ARFGAP3: variants seen among roughly 807,000 people sequenced by gnomAD.
The protein encoded by ARFGAP3 is ARF GTPase activating protein 3, also known as ADP-ribosylation factor GTPase-activating protein 3.
A neutral mutation model predicts 75.0 loss-of-function variants in ARFGAP3; 72 were observed. The ratio of observed to expected loss-of-function variants is 0.96; its 90% CI spans 0.79 to 1.17. The LOEUF (loss-of-function observed/expected upper bound fraction) is 1.17. Ranked by LOEUF, ARFGAP3 falls within the 50% of genes most tolerant of loss-of-function variation. The pLI is 0.00. For missense variants in ARFGAP3, 620 were observed against 626.6 expected (o/e 0.99, Z 0.11); for synonymous variants, 221 against 217.9 (o/e 1.01, Z -0.13).
intron 15 of ARFGAP3, 112 bp downstream of exon 15, chr22:42,798,927 G>A (rs771161009): frequency 4.5e-5 from 39 of 869,846 alleles, no homozygotes; most frequent in East Asian, 7.3e-5. Flanking sequence ...CAAACATATC[G>A]ATCCAATAAT....
chr22:42,855,792 G>C (rs777420966), intron 1 of ARFGAP3, among the ~76,000 whole-genome samples: 1 of 151,880 alleles, frequency 6.6e-6, no homozygotes, highest in Non-Finnish European at 1.5e-5. Flanking sequence ...GGAGGAGGCA[G>C]GAGGACTGCT....
intron 11 of ARFGAP3, among the ~76,000 whole-genome samples, chr22:42,811,419 T>A (rs752758080): frequency 3.3e-5 from 5 of 152,240 alleles, no homozygotes; most frequent in African/African-American, 7.2e-5. Context: ...AGGTTACACA[T>A]TTCACTGTCT....
intron 1 of ARFGAP3, 139 bp from the exon 2 acceptor site, chr22:42,847,771 T>TCA (rs1927084253): frequency 1.0e-6 from 1 of 998,956 alleles, no homozygotes; most frequent in Non-Finnish European, 1.3e-6. Context: ...AGAAAATATC[T>TCA]CACCTAGGTT....
rs749122444 is a variant in ARFGAP3, at chr22:42,840,976, G to A, written c.229C>T (p.Arg77Ter). The stretch of plus-strand genomic sequence containing the variant: ...GCGTTTCCTCCGACTTGCATGCATC[G>A]CAACTGAAACCATGACCAGTTGGAA... ...LDSNWSWFQL[R>*]CMQVGGNASA... The change falls in exon 3 of 16, where the codon CGA becomes TGA. Residue 77 changes from arginine (R) to a stop codon, truncating the protein, a stop_gained. Coordinates refer to ENST00000263245, the MANE Select transcript of ARFGAP3 (RefSeq NM_014570.5). LOFTEE classifies it high-confidence loss of function. 5.0e-6 allele frequency: 8 copies of A among 1,614,086 alleles called. No individual in the cohort carries two copies. The highest frequency in any genetic ancestry group is 3.3e-5 in the Admixed American group (2 of 60,012).
At chr22:42,840,837 C>CT in intron 3 of ARFGAP3, 107 bp downstream of exon 3, 1 of 1,187,738 alleles carries the variant, frequency 8.4e-7, no homozygotes, top group Non-Finnish European at 1.2e-6. Context: ...TCCCAAATGG[C>CT]TGAGATTACA....
chr22:42,835,296 A>T, intron 4 of ARFGAP3, 66 bp downstream of exon 4: 2 of 1,568,262 alleles, frequency 1.3e-6, no homozygotes. Context: ...TATTCAGGAT[A>T]AAAATCACTT....
chr22:42,852,531 T>C (rs1927322670), intron 1 of ARFGAP3, among the ~76,000 whole-genome samples: 1 of 151,164 alleles, frequency 6.6e-6, no homozygotes, highest in Admixed American at 6.6e-5. Flanking sequence ...GGCTAATTTT[T>C]TGTATTTTTA....
chr22:42,825,092 C>CACAA (rs750393053), intron 7 of ARFGAP3, among the ~76,000 whole-genome samples: 1 of 152,130 alleles, frequency 6.6e-6, no homozygotes. Flanking sequence ...ACTCCATCTC[C>CACAA]ACAAACAAAC....
intron 2 of ARFGAP3, among the ~76,000 whole-genome samples, chr22:42,846,728 A>G (rs988627860): frequency 7.2e-5 from 11 of 152,240 alleles, no homozygotes; most frequent in African/African-American, 2.7e-4. Context: ...CTCATCATTG[A>G]CATAAACTCT....
chr22:42,839,711 CT>C (rs1926695841), intron 3 of ARFGAP3, among the ~76,000 whole-genome samples: 1 of 151,888 alleles, frequency 6.6e-6, no homozygotes, highest in Admixed American at 6.6e-5. Context: ...TATTAAAAAA[CT>C]ATTATCATAA....
chr22:42,804,764 C>T (rs1925045529), intron 14 of ARFGAP3, among the ~76,000 whole-genome samples: 1 of 152,148 alleles, frequency 6.6e-6, no homozygotes, highest in Non-Finnish European at 1.5e-5. Context: ...GATCCGCCTA[C>T]CTCGGCCTCC....
intron 14 of ARFGAP3, among the ~76,000 whole-genome samples, chr22:42,800,946 A>T (rs1012254204): frequency 1.3e-5 from 2 of 151,790 alleles, no homozygotes; most frequent in Admixed American, 6.6e-5. Context: ...GAACACCCAC[A>T]GTGTGTACTG....
Position 42,797,353 on chromosome 22 carries a change from A to C in ARFGAP3, c.*235T>G. ...AAGAAAATAAAGCAAGGATATACAC[A>C]GAGACGCCAAAGGAGGGTGTGACAG... is the stretch of plus-strand genomic sequence containing the variant. On this transcript the variant is annotated 3_prime_UTR_variant, in exon 16 of 16. Coordinates refer to ENST00000263245, the MANE Select transcript of ARFGAP3 (RefSeq NM_014570.5). 1 of 594,278 alleles carries C rather than the reference A, an allele frequency of 1.7e-6. No homozygotes were observed. The highest frequency in any genetic ancestry group is 3.0e-6 in the Non-Finnish European group (1 of 338,432). 36.8% of individuals were successfully genotyped at this position (594,278 alleles called of 1,614,324 possible).
intron 7 of ARFGAP3, among the ~76,000 whole-genome samples, chr22:42,826,556 T>C (rs758211985): frequency 6.6e-6 from 1 of 151,566 alleles, no homozygotes; most frequent in African/African-American, 2.4e-5. Context: ...ATTTTTGTTG[T>C]TGTTGTTGTT....
chr22:42,810,679 A>AGC (rs1907686235), intron 12 of ARFGAP3, 134 bp downstream of exon 12: 1 of 750,660 alleles, frequency 1.3e-6, no homozygotes, highest in Admixed American at 2.3e-5. Flanking sequence ...TCGGCCTCTT[A>AGC]AAGTGCTGGG....
At position 42,827,028 on chromosome 22, in the gene ARFGAP3, C is replaced by T. The variant is rs763310885; in HGVS notation, c.566-29G>A. 2.2e-5 allele frequency: 36 copies of T among 1,611,762 alleles called. 1 individual carries two copies. In the South Asian group the frequency reaches 4.0e-4, roughly 18 times the overall value. ...AAAATTCAAAACATTGATATTAGCG[C>T]AGAAAATATACTCAGCTAACTTGCT... On this transcript the variant is annotated intron_variant, in intron 6 of 15. Coordinates refer to ENST00000263245, the MANE Select transcript of ARFGAP3 (RefSeq NM_014570.5).
At chr22:42,813,679 A>G (rs1381278523) in intron 11 of ARFGAP3, among the ~76,000 whole-genome samples, 1 of 152,140 alleles carries the variant, frequency 6.6e-6, no homozygotes, top group Non-Finnish European at 1.5e-5. Context: ...CCAGTCATCC[A>G]CGAGAGGCTC....
In ARFGAP3 at chr22:42,855,515, G is replaced by A. The variant is rs867675100; in HGVS notation, c.69+1599C>T. On this transcript the variant is annotated intron_variant, in intron 1 of 15. Coordinates refer to ENST00000263245, the MANE Select transcript of ARFGAP3 (RefSeq NM_014570.5). ...AGAGTGACTGACATGGTGAAACCTC[G>A]TCTCTACTAAAAATATAAAAATTAC... Among the ~76,000 whole-genome samples the A allele has an allele frequency of 2.6e-5, 4 of 151,914 alleles. No individual in the cohort carries two copies. The South Asian group carries it at 8.3e-4, about 31-fold the overall frequency.
intron 14 of ARFGAP3, among the ~76,000 whole-genome samples, chr22:42,806,136 T>A (rs765146080): frequency 9.2e-5 from 14 of 152,344 alleles, no homozygotes; most frequent in Non-Finnish European, 1.9e-4. Flanking sequence ...CTAGGGATGC[T>A]GAGGGTGCCA....
Sources: gnomAD v4.1 joint callset for allele counts (sites outside exome capture counted in the v4.1 genomes callset) on GRCh38, gnomAD v4.1.1 for gene constraint, MANE v1.5 for transcripts, NCBI Gene and HGNC (gene_info 2026-07-23, HGNC 2026-07-21) for gene names.